NOL10: variants seen among roughly 807,000 people sequenced by gnomAD.
NOL10 encodes the protein nucleolar protein 10.
Under a neutral mutation model 103.5 loss-of-function variants are expected in NOL10, and 58 were observed. That is an observed-to-expected ratio of 0.56 (90% CI 0.45 to 0.70). The LOEUF is 0.70. Ranked by LOEUF, NOL10 falls within the 30% of genes least tolerant of loss-of-function variation. NOL10 has a pLI of 0.00. For synonymous variants in NOL10, 287 were observed against 282.5 expected, an observed-to-expected ratio of 1.02 and a Z score of -0.16; for missense variants, 763 against 807.3, an observed-to-expected ratio of 0.95 and a Z score of 0.67.
intron 9 of NOL10, among the ~76,000 whole-genome samples, chr2:10,662,297 C>T (rs1680262238): frequency 6.6e-6 from 1 of 152,178 alleles, no homozygotes; most frequent in African/African-American, 2.4e-5. Flanking sequence ...TAATCAATAT[C>T]CTCAGGCTCT....
intron 13 of NOL10, among the ~76,000 whole-genome samples, chr2:10,624,612 A>G (rs987730610): frequency 6.6e-6 from 1 of 152,106 alleles, no homozygotes; most frequent in Non-Finnish European, 1.5e-5. Flanking sequence ...TACATCACTT[A>G]ACTTAGAAAT....
chr2:10,614,443 A>G (rs1485734690), intron 13 of NOL10, among the ~76,000 whole-genome samples: 1 of 152,208 alleles, frequency 6.6e-6, no homozygotes, highest in East Asian at 1.9e-4. Flanking sequence ...TTTGAAACAA[A>G]TAACTTTTTG....
chr2:10,629,373 T>C (rs537418386), intron 13 of NOL10, among the ~76,000 whole-genome samples: 7 of 152,068 alleles, frequency 4.6e-5, no homozygotes, highest in East Asian at 1.9e-4. Context: ...ACAGAAAATA[T>C]ATTTTTTAAT....
At chr2:10,650,428 C>T (rs1030050802) in intron 12 of NOL10, among the ~76,000 whole-genome samples, 7 of 151,872 alleles carry the variant, frequency 4.6e-5, no homozygotes, top group African/African-American at 1.5e-4. Flanking sequence ...GGATTATAGG[C>T]ATGATGGGAT....
chr2:10,684,729 T>C (rs1682029666), intron 1 of NOL10, 117 bp from the exon 2 acceptor site: 1 of 690,378 alleles, frequency 1.4e-6, no homozygotes, highest in Non-Finnish European at 2.4e-6. Context: ...ATATATAACA[T>C]AGGAAGCAAA....
At chr2:10,599,985 A>G (rs1371734550) in intron 17 of NOL10, among the ~76,000 whole-genome samples, 1 of 152,108 alleles carries the variant, frequency 6.6e-6, no homozygotes, top group Non-Finnish European at 1.5e-5. Flanking sequence ...GTTAAAAACC[A>G]GAGGACAGAG....
chr2:10,673,168 C>T (rs1456702310), intron 5 of NOL10, among the ~76,000 whole-genome samples: 11 of 152,016 alleles, frequency 7.2e-5, no homozygotes, highest in African/African-American at 2.7e-4. Flanking sequence ...ATGAAAGCAA[C>T]CTGGCAAATA....
chr2:10,660,665 T>G (rs1409996676), intron 9 of NOL10, among the ~76,000 whole-genome samples: 2 of 152,178 alleles, frequency 1.3e-5, no homozygotes, highest in Non-Finnish European at 2.9e-5. Context: ...TATTAGAATG[T>G]TTTTCCATTT....
chr2:10,688,680 C>T (rs1682389247), intron 1 of NOL10, among the ~76,000 whole-genome samples: 1 of 152,242 alleles, frequency 6.6e-6, no homozygotes, highest in Non-Finnish European at 1.5e-5. Flanking sequence ...TATTTGCTCA[C>T]TTGTTTATTT....
Position 10,684,550 on chromosome 2 carries a change from GAA to G in NOL10, c.112+15_112+16del. ...TGGATCACTAACGCAGCTGAAGTGG[GAA>G]AAAACAATACTCACCTACATCTTTC... On this transcript the variant is annotated intron_variant, in intron 2 of 20. Transcript: ENST00000381685. 1 of 1,564,442 alleles carries G rather than the reference GAA, an allele frequency of 6.4e-7. No individual in the cohort carries two copies.
At chr2:10,670,356 T>C (rs1680846805) in intron 6 of NOL10, among the ~76,000 whole-genome samples, 1 of 152,204 alleles carries the variant, frequency 6.6e-6, no homozygotes. Flanking sequence ...ACTGAATTTT[T>C]GCCTACAATT....
intron 15 of NOL10, 91 bp from the exon 16 acceptor site, chr2:10,602,965 G>A (rs1676058907): frequency 8.2e-7 from 1 of 1,218,316 alleles, no homozygotes; most frequent in South Asian, 1.3e-5. Flanking sequence ...CCAAAGAACA[G>A]GCAGATCCCC....
chr2:10,634,077 C>T (rs1222225442), intron 13 of NOL10, among the ~76,000 whole-genome samples: 2 of 152,140 alleles, frequency 1.3e-5, no homozygotes, highest in Non-Finnish European at 2.9e-5. Flanking sequence ...ATCCTCTTGC[C>T]TCAGCCACCC....
At chr2:10,665,342 T>C (rs574803235) in intron 8 of NOL10, among the ~76,000 whole-genome samples, 4 of 152,334 alleles carry the variant, frequency 2.6e-5, no homozygotes, top group African/African-American at 9.6e-5. Context: ...TACCTAAATT[T>C]GAATATTTCC....
intron 1 of NOL10, among the ~76,000 whole-genome samples, chr2:10,686,394 A>C (rs1269572608): frequency 1.3e-5 from 2 of 152,226 alleles, no homozygotes; most frequent in African/African-American, 2.4e-5. Context: ...GGCCAGTGTA[A>C]GGTGGAGAAC....
At chr2:10,675,540 T>C (rs1220785530) in intron 4 of NOL10, among the ~76,000 whole-genome samples, 2 of 152,116 alleles carry the variant, frequency 1.3e-5, no homozygotes, top group Admixed American at 6.6e-5. Context: ...AAGCATATTC[T>C]TGCCCAGCAC....
chr2:10,606,774 G>A (rs180721036), intron 14 of NOL10, among the ~76,000 whole-genome samples: 7 of 152,052 alleles, frequency 4.6e-5, no homozygotes, highest in Admixed American at 4.6e-4. Context: ...GTTTTGGATT[G>A]GGTCTTTTAT....
At chr2:10,597,442 T>G (rs538077359) in intron 17 of NOL10, among the ~76,000 whole-genome samples, 7 of 152,336 alleles carry the variant, frequency 4.6e-5, no homozygotes, top group Admixed American at 2.0e-4. Context: ...GGAGCTGAGT[T>G]CAAAGGCGAG....
At chr2:10,637,604 A>C (rs1314639633) in intron 13 of NOL10, among the ~76,000 whole-genome samples, 1 of 152,228 alleles carries the variant, frequency 6.6e-6, no homozygotes, top group East Asian at 1.9e-4. Flanking sequence ...AACATTCACT[A>C]AACAACCTTT....
Sources: gnomAD v4.1 joint callset for allele counts (sites outside exome capture counted in the v4.1 genomes callset) on GRCh38, gnomAD v4.1.1 for gene constraint, MANE v1.5 for transcripts, NCBI Gene and HGNC (gene_info 2026-07-23, HGNC 2026-07-21) for gene names.